Variants in SULF2 observed in about 807,000 individuals in gnomAD.
SULF2 encodes the protein extracellular sulfatase Sulf-2.
Under a neutral mutation model 107.7 loss-of-function variants are expected in SULF2, and 52 were observed. The ratio of observed to expected loss-of-function variants is 0.48; its 90% CI spans 0.39 to 0.61. The LOEUF (loss-of-function observed/expected upper bound fraction) is 0.61. Among genes scored for constraint, SULF2 ranks in the 20% least tolerant of loss-of-function variants. SULF2 has a pLI of 0.00. For missense variants in SULF2, 993 were observed against 1,177.3 expected (o/e 0.84, Z 2.29); for synonymous variants, 460 against 464.3 (o/e 0.99, Z 0.12).
chr20:47,678,745 A>T lies in SULF2; in HGVS notation c.1124T>A (p.Leu375Gln). Residue 375 changes from leucine to glutamine, a missense_variant, in exon 8 of 21, where the codon CTG (leucine) becomes CAG (glutamine). Coordinates refer to ENST00000688720, the MANE Select transcript of SULF2 (RefSeq NM_001387048.1). The surrounding 1 kb of genome is among the most constrained non-coding windows in gnomAD (Gnocchi z 4.5). ...LAPTILDIAG[L>Q]DIPADMDGKS... ...CCCGTCCATATCCGCAGGTATGTCCAGGCCTGCAATGTCCAGGATGGTGGG... is the reference window on the plus strand; with the variant it reads ...CCCGTCCATATCCGCAGGTATGTCCTGGCCTGCAATGTCCAGGATGGTGGG... 1 of 1,613,994 alleles carries T rather than the reference A, an allele frequency of 6.2e-7. No homozygotes were observed. The highest frequency in any genetic ancestry group is 8.5e-7 in the Non-Finnish European group (1 of 1,179,984).
chr20:47,701,954 G>A (rs2088583880), intron 4 of SULF2, among the ~76,000 whole-genome samples: 1 of 152,072 alleles, frequency 6.6e-6, no homozygotes, highest in Non-Finnish European at 1.5e-5. Flanking sequence ...GCCTTTGAAT[G>A]GTACACTCTG....
chr20:47,698,746 T>C (rs1024461235), intron 4 of SULF2, among the ~76,000 whole-genome samples: 4 of 152,052 alleles, frequency 2.6e-5, no homozygotes, highest in Non-Finnish European at 5.9e-5. Flanking sequence ...AATTACCCTA[T>C]AGTGGCTGGG....
intron 7 of SULF2, among the ~76,000 whole-genome samples, chr20:47,682,430 T>C (rs2146501224): frequency 6.6e-6 from 1 of 152,346 alleles, no homozygotes; most frequent in African/African-American, 2.4e-5. Context: ...AACAGTGGCC[T>C]GTCCGCTCCC....
At chr20:47,764,880 T>G (rs1169079759) in intron 1 of SULF2, among the ~76,000 whole-genome samples, 1 of 152,136 alleles carries the variant, frequency 6.6e-6, no homozygotes, top group Non-Finnish European at 1.5e-5. Flanking sequence ...GCACTTTTAG[T>G]GTGTGACCTC....
intron 2 of SULF2, among the ~76,000 whole-genome samples, chr20:47,748,905 A>C (rs1319550726): frequency 1.3e-5 from 2 of 152,020 alleles, no homozygotes; most frequent in African/African-American, 4.8e-5. Flanking sequence ...AAACACTTAA[A>C]CCGTCTTCCA....
In SULF2 at chr20:47,718,658, G is replaced by A. The variant is rs1364352471; in HGVS notation, c.416-15988C>T. Among the ~76,000 whole-genome samples, 8 of 152,236 alleles carry A rather than the reference G, an allele frequency of 5.3e-5. No homozygotes were observed. The South Asian group carries it at 1.5e-3, about 28-fold the overall frequency. On this transcript the variant is annotated intron_variant, in intron 3 of 20. Transcript: ENST00000688720. ...GGTGGAACCAATGGGATTTGCTGAT[G>A]TGGCATGCGAAAGAAGTAAAGAGAG...
intron 2 of SULF2, among the ~76,000 whole-genome samples, chr20:47,743,370 G>A (rs2089935138): frequency 6.6e-6 from 1 of 152,068 alleles, no homozygotes; most frequent in African/African-American, 2.4e-5. Flanking sequence ...GTGCAGTAGT[G>A]TGATCACGGC....
In SULF2 at chr20:47,684,451, C is replaced by T; in HGVS notation, c.868G>A (p.Val290Met). 1 of 1,612,536 alleles carries T rather than the reference C, an allele frequency of 6.2e-7. No homozygotes were observed. The highest frequency in any genetic ancestry group is 1.1e-5 in the South Asian group (1 of 90,950). Residue 290 changes from valine to methionine, a missense_variant, in exon 6 of 21, where the codon GTG becomes ATG. Val to Met is a conservative substitution (Grantham distance 21). Transcript: ENST00000688720. ...CCTACCGTCTCCATGGAGTCGTCCA[C>T]CGACATGAGGGTCTGCAAGCGCTTC... ...QRKRLQTLMSVDDSMETIYNM... is the reference protein window; with the variant it reads ...QRKRLQTLMSMDDSMETIYNM...
chr20:47,718,713 G>A (rs2089198423), intron 3 of SULF2, among the ~76,000 whole-genome samples: 1 of 152,162 alleles, frequency 6.6e-6, no homozygotes. Flanking sequence ...TTTGGTCCAA[G>A]CAATGAGGAG....
chr20:47,659,269 T>C lies in SULF2; in HGVS notation c.2582+130A>G, dbSNP rs567889617. 1.2e-5 allele frequency: 9 copies of C among 779,206 alleles called. No individual in the cohort carries two copies. The South Asian group carries it at 1.4e-4, about 12-fold the overall frequency. 48.3% of individuals were successfully genotyped at this position (779,206 alleles called of 1,614,324 possible). On this transcript the variant is annotated intron_variant, in intron 20 of 20. Coordinates refer to ENST00000688720, the MANE Select transcript of SULF2 (RefSeq NM_001387048.1). Reference sequence around the variant, plus strand: ...CTTAGGGAAAGATGTGCATTAGTACTTCCCCCCCACCCTCATCATGAGAAC... The same window carrying C: ...CTTAGGGAAAGATGTGCATTAGTACCTCCCCCCCACCCTCATCATGAGAAC...
intron 1 of SULF2, among the ~76,000 whole-genome samples, chr20:47,785,129 C>T (rs1228467039): frequency 6.6e-6 from 1 of 151,950 alleles, no homozygotes; most frequent in Non-Finnish European, 1.5e-5. Context: ...GGTCATCCCT[C>T]TGCGGACGGC....
At chr20:47,771,773 C>G (rs2090635275) in intron 1 of SULF2, among the ~76,000 whole-genome samples, 1 of 152,156 alleles carries the variant, frequency 6.6e-6, no homozygotes, top group Non-Finnish European at 1.5e-5. Flanking sequence ...GGCCAGGGCT[C>G]CGGGGCCAAG....
intron 2 of SULF2, among the ~76,000 whole-genome samples, chr20:47,740,131 C>T (rs772678033): frequency 1.3e-5 from 2 of 152,212 alleles, no homozygotes; most frequent in Admixed American, 6.5e-5. Flanking sequence ...TGGCGACTAT[C>T]ACTGGCTGAA....
chr20:47,756,428 T>TG (rs2090284976), intron 2 of SULF2, among the ~76,000 whole-genome samples: 1 of 152,162 alleles, frequency 6.6e-6, no homozygotes, highest in African/African-American at 2.4e-5. Flanking sequence ...AGGAACAACT[T>TG]GGTTTTATGT....
In SULF2 at chr20:47,736,767, G is replaced by A. The variant is rs2089741191; in HGVS notation, c.351C>T (p.Ser117=). ...YTNNENCSSP[S]WQAQHESRTF... ...TGCGGCTCTCGTGCTGTGCCTGCCAGGAGGGCGAGGAGCAGTTCTCATTGT... is the reference window on the plus strand; with the variant it reads ...TGCGGCTCTCGTGCTGTGCCTGCCAAGAGGGCGAGGAGCAGTTCTCATTGT... Residue 117 remains serine (S), a synonymous_variant, in exon 3 of 21, where the codon TCC becomes TCT. Coordinates refer to ENST00000688720, the MANE Select transcript of SULF2 (RefSeq NM_001387048.1). The A allele has an allele frequency of 1.2e-6, 2 of 1,614,258 alleles. No individual in the cohort carries two copies. The highest frequency in any genetic ancestry group is 2.2e-5 in the East Asian group (1 of 44,886).
intron 4 of SULF2, among the ~76,000 whole-genome samples, chr20:47,691,006 T>A (rs1272549702): frequency 6.6e-6 from 1 of 152,204 alleles, no homozygotes; most frequent in African/African-American, 2.4e-5. Context: ...ATGATGATAA[T>A]CCTTATTTTC....
intron 3 of SULF2, among the ~76,000 whole-genome samples, chr20:47,734,424 A>G (rs1358183343): frequency 1.3e-5 from 2 of 152,230 alleles, no homozygotes; most frequent in Non-Finnish European, 2.9e-5. Flanking sequence ...AAAATAATCT[A>G]AAAGGTTTTG....
upstream of SULF2, chr20:47,785,606 C>G (rs2090918096): frequency 6.8e-6 from 1 of 146,410 alleles, no homozygotes; most frequent in South Asian, 1.8e-4. Flanking sequence ...GCACCCCGCC[C>G]GGACCGCTCT....
intron 10 of SULF2, among the ~76,000 whole-genome samples, chr20:47,673,679 GA>G (rs1337002784): frequency 6.6e-6 from 1 of 152,208 alleles, no homozygotes; most frequent in Admixed American, 6.5e-5. Flanking sequence ...CAGCAACCTG[GA>G]TTCCTTAGTG....
Sources: allele counts gnomAD v4.1 joint callset (sites outside exome capture counted in the v4.1 genomes callset), GRCh38; gene constraint gnomAD v4.1.1; non-coding constraint Gnocchi (gnomAD v3.1); transcripts MANE v1.5; gene names NCBI Gene and HGNC (gene_info 2026-07-23, HGNC 2026-07-21).